Variants in KCNMA1 observed in about 807,000 individuals in gnomAD.
KCNMA1 encodes Calcium-activated potassium channel subunit alpha-1.
A neutral mutation model predicts 140.0 loss-of-function variants in KCNMA1; 29 were observed. That is an observed-to-expected ratio of 0.21 (90% CI 0.15 to 0.28). KCNMA1 has a LOEUF of 0.28. KCNMA1 is among the 10% of genes least tolerant of loss of function. KCNMA1 has a pLI of 1.00. For synonymous variants in KCNMA1, 612 were observed against 611.9 expected (o/e 1.00, Z 0.00); for missense variants, 880 against 1,602.2 (o/e 0.55, Z 7.70).
At chr10:77,084,609 G>A in intron 12 of KCNMA1, 28 bp downstream of exon 12, 3 of 1,582,512 alleles carry the variant, frequency 1.9e-6, no homozygotes, top group Non-Finnish European at 2.6e-6. Flanking sequence ...GCCAAGCCCA[G>A]GGCCTTCCGC....
chr10:77,037,009 A>T (rs1212688292), intron 15 of KCNMA1, among the ~76,000 whole-genome samples: 1 of 152,220 alleles, frequency 6.6e-6, no homozygotes, highest in Non-Finnish European at 1.5e-5. Context: ...TCTCACTCAC[A>T]TCAGAAGTGG....
At chr10:76,897,720 T>C (rs915167487) in intron 25 of KCNMA1, among the ~76,000 whole-genome samples, 3 of 151,904 alleles carry the variant, frequency 2.0e-5, no homozygotes, top group Non-Finnish European at 4.4e-5. Flanking sequence ...GTATATATTA[T>C]TACAAAATGG....
At chr10:77,085,348 G>A (rs1053430557) in intron 11 of KCNMA1, among the ~76,000 whole-genome samples, 2 of 152,210 alleles carry the variant, frequency 1.3e-5, no homozygotes, top group African/African-American at 2.4e-5. Context: ...TATACCTACT[G>A]ACTTATCCAA....
At chr10:77,587,094 T>C (rs1057274986) in intron 1 of KCNMA1, 10 of 152,364 alleles carry the variant, frequency 6.6e-5, no homozygotes, top group African/African-American at 2.4e-4. Flanking sequence ...TGTCTGATCT[T>C]GGCAGCTAAG....
chr10:77,379,732 G>A (rs1158078803), intron 2 of KCNMA1, among the ~76,000 whole-genome samples: 1 of 152,082 alleles, frequency 6.6e-6, no homozygotes, highest in African/African-American at 2.4e-5. Flanking sequence ...CTTAGTAATT[G>A]TTTCCTTAAT....
At chr10:77,097,404 C>T (rs1216720521) in intron 9 of KCNMA1, among the ~76,000 whole-genome samples, 1 of 152,164 alleles carries the variant, frequency 6.6e-6, no homozygotes, top group African/African-American at 2.4e-5. Flanking sequence ...ACCCCAGGAC[C>T]TGGCTTGGAA....
intron 23 of KCNMA1, chr10:76,930,287 T>G (rs1467678981): frequency 6.6e-6 from 1 of 151,908 alleles, no homozygotes; most frequent in East Asian, 1.9e-4. Context: ...AGCAAGAAAA[T>G]AAATAACCTG....
intron 1 of KCNMA1, among the ~76,000 whole-genome samples, chr10:77,549,789 CCA>C (rs972510316): frequency 1.5e-4 from 23 of 152,308 alleles, no homozygotes; most frequent in African/African-American, 5.5e-4. Flanking sequence ...GCTTGGCCCA[CCA>C]CAGTTAGAGG....
At chr10:77,221,260 T>C (rs555576095) in intron 3 of KCNMA1, among the ~76,000 whole-genome samples, 1 of 152,172 alleles carries the variant, frequency 6.6e-6, no homozygotes, top group African/African-American at 2.4e-5. Context: ...GGAAATGACC[T>C]TCTAATCACT....
intron 9 of KCNMA1, 40 bp from the exon 10 acceptor site, chr10:77,090,550 G>C: frequency 7.4e-7 from 1 of 1,344,148 alleles, no homozygotes; most frequent in Non-Finnish European, 1.1e-6. Flanking sequence ...CAGGCACCAC[G>C]ACAGGACCCT....
intron 2 of KCNMA1, among the ~76,000 whole-genome samples, chr10:77,336,350 A>T: frequency 6.6e-6 from 1 of 152,132 alleles, no homozygotes; most frequent in Non-Finnish European, 1.5e-5. Context: ...AGAATAAAAG[A>T]GCTGTACACA....
At chr10:76,986,209 T>A (rs1362635458) in intron 19 of KCNMA1, among the ~76,000 whole-genome samples, 1 of 152,190 alleles carries the variant, frequency 6.6e-6, no homozygotes, top group Non-Finnish European at 1.5e-5. Flanking sequence ...TGAGATTTAA[T>A]CTCTAACAAC....
At chr10:77,621,353 C>G (rs1169808762) in intron 1 of KCNMA1, among the ~76,000 whole-genome samples, 2 of 152,156 alleles carry the variant, frequency 1.3e-5, no homozygotes, top group African/African-American at 4.8e-5. Flanking sequence ...TTTACTAACA[C>G]AGTTTCAGAG....
intron 6 of KCNMA1, 111 bp downstream of exon 6, chr10:77,120,862 G>T: frequency 2.8e-6 from 2 of 718,314 alleles, no homozygotes; most frequent in Non-Finnish European, 2.5e-6. Context: ...CACTCTTTCT[G>T]TGAATAATAT....
At chr10:77,505,260 G>A (rs1396284789) in intron 1 of KCNMA1, among the ~76,000 whole-genome samples, 2 of 152,188 alleles carry the variant, frequency 1.3e-5, no homozygotes, top group East Asian at 1.9e-4. Context: ...ATAGCAGTGC[G>A]GGGTGAAAAT....
At chr10:77,317,521 G>T (rs983461930) in intron 2 of KCNMA1, among the ~76,000 whole-genome samples, 8 of 152,252 alleles carry the variant, frequency 5.3e-5, no homozygotes, top group African/African-American at 1.9e-4. Flanking sequence ...CTCGCAGAGG[G>T]AGATGAGGTT....
chr10:76,948,838 C>A (rs1022277280), intron 22 of KCNMA1: 2 of 450,074 alleles, frequency 4.4e-6, no homozygotes, highest in Middle Eastern at 6.4e-4. Flanking sequence ...CATAATATAA[C>A]AATGCTCTAG....
intron 6 of KCNMA1, among the ~76,000 whole-genome samples, chr10:77,114,817 G>T (rs1434212776): frequency 6.6e-6 from 1 of 152,186 alleles, no homozygotes; most frequent in Non-Finnish European, 1.5e-5. Context: ...TTGCAGAAAA[G>T]AACTCTCTTT....
intron 2 of KCNMA1, among the ~76,000 whole-genome samples, chr10:77,383,966 C>T (rs1258049725): frequency 2.0e-5 from 3 of 152,230 alleles, no homozygotes. Flanking sequence ...TCATGGGCAT[C>T]TCCAAGGGAC....
Sources: gnomAD v4.1 joint callset for allele counts (sites outside exome capture counted in the v4.1 genomes callset) on GRCh38, gnomAD v4.1.1 for gene constraint, MANE v1.5 for transcripts, NCBI Gene and HGNC (gene_info 2026-07-23, HGNC 2026-07-21) for gene names.